The following BLTP1 variants were observed in gnomAD, a reference collection of about 807,000 sequenced individuals.
BLTP1 encodes bridge-like lipid transfer protein family member 1, also known as fragile site-associated protein.
chr4:122,230,714 C>T, the BLTP1 span, among the ~76,000 whole-genome samples: 1 of 152,140 alleles, frequency 6.6e-6, no homozygotes, highest in Non-Finnish European at 1.5e-5. Flanking sequence ...GTTGCCAGCA[C>T]CTCTTACTGA....
the BLTP1 span, among the ~76,000 whole-genome samples, chr4:122,287,920 A>G: frequency 2.0e-5 from 3 of 152,192 alleles, no homozygotes; most frequent in African/African-American, 7.2e-5. Context: ...TGTTCCATTT[A>G]AAAGAAAATA....
At chr4:122,254,097 A>G in the BLTP1 span, 1,719 of 1,121,862 alleles carry the variant, frequency 1.5e-3, 12 homozygotes, top group African/African-American at 0.024. Flanking sequence ...CCCAGACTTG[A>G]TTTGATGAAA....
At chr4:122,330,977 CTTG>C in the BLTP1 span, 1 of 973,838 alleles carries the variant, frequency 1.0e-6, no homozygotes, top group Non-Finnish European at 1.2e-6. Flanking sequence ...TTTTTCTTTC[CTTG>C]TTGTTCTGTC....
At chr4:122,198,913 A>G in the BLTP1 span, among the ~76,000 whole-genome samples, 1 of 152,272 alleles carries the variant, frequency 6.6e-6, no homozygotes, top group East Asian at 1.9e-4. Context: ...AATACTCTAA[A>G]CTATTCAGCT....
At chr4:122,280,169 C>T in the BLTP1 span, 1 of 985,370 alleles carries the variant, frequency 1.0e-6, no homozygotes, top group Non-Finnish European at 1.2e-6. Flanking sequence ...CATTAAAGTA[C>T]AGTGTCGTCA....
the BLTP1 span, among the ~76,000 whole-genome samples, chr4:122,217,367 ATTTTT>A: frequency 7.0e-6 from 1 of 141,936 alleles, no homozygotes; most frequent in Admixed American, 7.0e-5. Flanking sequence ...GAATTTTAGG[ATTTTT>A]TTTTTTTCTA....
the BLTP1 span, among the ~76,000 whole-genome samples, chr4:122,176,528 A>T: frequency 7.9e-5 from 12 of 152,144 alleles, no homozygotes. Context: ...GTACACTACC[A>T]CTCATGTTTT....
At chr4:122,341,316 C>T in the BLTP1 span, among the ~76,000 whole-genome samples, 2 of 152,140 alleles carry the variant, frequency 1.3e-5, no homozygotes, top group South Asian at 4.1e-4. Context: ...TTCTTCCCAA[C>T]ACTGCTTTAA....
At chr4:122,184,588 T>G in the BLTP1 span, 10 of 494,066 alleles carry the variant, frequency 2.0e-5, no homozygotes, top group Non-Finnish European at 2.6e-5. Context: ...TGCAGTGAGC[T>G]GAGATTGTGC....
the BLTP1 span, chr4:122,170,564 TTGCAATTTTATAAA>T: frequency 7.0e-7 from 1 of 1,438,302 alleles, no homozygotes; most frequent in African/African-American, 1.5e-5. Flanking sequence ...ATGATTTCTG[TTGCAATTTTATAAA>T]TCTCTGATTC....
At chr4:122,309,601 G>A in the BLTP1 span, 4 of 862,686 alleles carry the variant, frequency 4.6e-6, no homozygotes, top group Non-Finnish European at 7.0e-6. Context: ...TCTAGTTACA[G>A]GTAACAAACC....
At chr4:122,256,548 A>G in the BLTP1 span, among the ~76,000 whole-genome samples, 4 of 152,196 alleles carry the variant, frequency 2.6e-5, no homozygotes, top group Non-Finnish European at 4.4e-5. Context: ...GTGCTCTTCA[A>G]TCAAATTAAC....
the BLTP1 span, among the ~76,000 whole-genome samples, chr4:122,345,218 A>G: frequency 6.6e-6 from 1 of 152,248 alleles, no homozygotes; most frequent in African/African-American, 2.4e-5. Context: ...GAATAAGACA[A>G]GGTCTTATGT....
At chr4:122,284,907 G>A in the BLTP1 span, among the ~76,000 whole-genome samples, 1 of 151,934 alleles carries the variant, frequency 6.6e-6, no homozygotes, top group Admixed American at 6.6e-5. Context: ...CCAAATAAAG[G>A]GAGATTACTG....
At chr4:122,312,886 A>G in the BLTP1 span, 19 of 858,298 alleles carry the variant, frequency 2.2e-5, no homozygotes, top group African/African-American at 3.3e-4. Flanking sequence ...TGTACTCTGG[A>G]GTTTAAATTG....
At chr4:122,262,849 C>T in the BLTP1 span, 3 of 1,613,948 alleles carry the variant, frequency 1.9e-6, no homozygotes, top group South Asian at 1.1e-5. Context: ...GCTGGGATGC[C>T]AGTAAAGGAC....
the BLTP1 span, chr4:122,254,101 G>T: frequency 6.0e-6 from 7 of 1,161,816 alleles, no homozygotes; most frequent in Non-Finnish European, 8.5e-6. Flanking sequence ...GACTTGATTT[G>T]ATGAAAAGGT....
At chr4:122,262,716 G>T in the BLTP1 span, 4 of 1,516,754 alleles carry the variant, frequency 2.6e-6, no homozygotes, top group South Asian at 5.3e-5. Flanking sequence ...GTTATCAGCT[G>T]TCATTTTTAT....
At chr4:122,161,070 C>T in the BLTP1 span, 2 of 863,424 alleles carry the variant, frequency 2.3e-6, no homozygotes. Flanking sequence ...GGTACTTAAC[C>T]TTACTTGGTG....
Sources: gnomAD v4.1 joint callset for allele counts (sites outside exome capture counted in the v4.1 genomes callset) on GRCh38, gnomAD v4.1.1 for gene constraint, MANE v1.5 for transcripts, NCBI Gene and HGNC (gene_info 2026-07-23, HGNC 2026-07-21) for gene names.